STXBP5L: variants seen among roughly 807,000 people sequenced by gnomAD.
The protein encoded by STXBP5L is syntaxin-binding protein 5-like.
STXBP5L carries 65 observed loss-of-function variants against 144.5 expected under a neutral mutation model. That is an observed-to-expected ratio of 0.45 (90% CI 0.37 to 0.55). STXBP5L has a LOEUF of 0.55. Ranked by LOEUF, STXBP5L falls within the 20% of genes least tolerant of loss-of-function variation. The probability of loss-of-function intolerance (pLI) is 0.00; values close to 1 mark genes in which losing one functional copy is unlikely to be tolerated. For synonymous variants in STXBP5L, 505 were observed against 469.6 expected, an observed-to-expected ratio of 1.08 and a Z score of -0.97; for missense variants, 1,298 against 1,405.5, an observed-to-expected ratio of 0.92 and a Z score of 1.22.
chr3:120,970,365 C>T (rs2107791087), intron 3 of STXBP5L, among the ~76,000 whole-genome samples: 1 of 152,192 alleles, frequency 6.6e-6, no homozygotes, highest in East Asian at 1.9e-4. Flanking sequence ...TCTTGTAAGA[C>T]AGGTCACATT....
chr3:121,070,428 T>G (rs1317073856), intron 5 of STXBP5L, among the ~76,000 whole-genome samples: 1 of 152,234 alleles, frequency 6.6e-6, no homozygotes, highest in Non-Finnish European at 1.5e-5. Context: ...AGTATTCCTT[T>G]TTAACTTGAG....
chr3:121,378,169 G>A (rs998862826), intron 20 of STXBP5L, among the ~76,000 whole-genome samples: 2 of 151,912 alleles, frequency 1.3e-5, no homozygotes, highest in Admixed American at 6.6e-5. Context: ...AGGCCTGTCG[G>A]GGGGTGGGGG....
intron 19 of STXBP5L, among the ~76,000 whole-genome samples, chr3:121,289,213 T>G (rs1315208982): frequency 7.2e-5 from 11 of 151,996 alleles, no homozygotes; most frequent in African/African-American, 2.7e-4. Flanking sequence ...TATTCTTATA[T>G]CAGACAAAAC....
intron 19 of STXBP5L, among the ~76,000 whole-genome samples, chr3:121,304,988 A>T (rs756833760): frequency 6.6e-6 from 1 of 152,096 alleles, no homozygotes; most frequent in Non-Finnish European, 1.5e-5. Flanking sequence ...GGAGTGAAAA[A>T]AAAGCATCAC....
chr3:120,957,986 A>G (rs1351849379), intron 3 of STXBP5L, among the ~76,000 whole-genome samples: 1 of 152,148 alleles, frequency 6.6e-6, no homozygotes, highest in Non-Finnish European at 1.5e-5. Context: ...TTTTGAAAAG[A>G]TCAACAAAAT....
intron 17 of STXBP5L, among the ~76,000 whole-genome samples, chr3:121,258,134 A>G (rs998998869): frequency 1.3e-5 from 2 of 152,158 alleles, no homozygotes; most frequent in African/African-American, 4.8e-5. Context: ...ATCATGTTCA[A>G]TAAAACCTAA....
chr3:120,969,690 T>G (rs1940019168), intron 3 of STXBP5L, among the ~76,000 whole-genome samples: 3 of 152,102 alleles, frequency 2.0e-5, no homozygotes, highest in Non-Finnish European at 2.9e-5. Context: ...TATATTTAAG[T>G]CTTTTATCTA....
At chr3:121,060,946 G>T (rs1333405961) in intron 5 of STXBP5L, among the ~76,000 whole-genome samples, 1 of 151,754 alleles carries the variant, frequency 6.6e-6, no homozygotes, top group Non-Finnish European at 1.5e-5. Flanking sequence ...GATTTTTTTT[G>T]AAGGGTTTTC....
At chr3:121,027,891 C>T (rs1946067742) in intron 3 of STXBP5L, among the ~76,000 whole-genome samples, 1 of 152,070 alleles carries the variant, frequency 6.6e-6, no homozygotes, top group Admixed American at 6.6e-5. Flanking sequence ...CTTCACCTTT[C>T]CTTTCATATA....
chr3:121,069,546 A>G (rs1322070000), intron 5 of STXBP5L, among the ~76,000 whole-genome samples: 3 of 152,118 alleles, frequency 2.0e-5, no homozygotes, highest in Non-Finnish European at 2.9e-5. Flanking sequence ...ATTTGTTTAC[A>G]TTTATAAGAA....
intron 5 of STXBP5L, among the ~76,000 whole-genome samples, chr3:121,095,813 G>A (rs969431561): frequency 1.9e-4 from 29 of 152,142 alleles, no homozygotes; most frequent in Non-Finnish European, 1.5e-5. Flanking sequence ...ATCCAGCTTT[G>A]TTCTGTTGCT....
At chr3:121,122,379 A>C (rs1331923403) in intron 7 of STXBP5L, among the ~76,000 whole-genome samples, 1 of 151,252 alleles carries the variant, frequency 6.6e-6, no homozygotes, top group Non-Finnish European at 1.5e-5. Flanking sequence ...CCACAAGTAC[A>C]ATGTAATTCC....
chr3:121,377,750 G>A (rs925637459), intron 20 of STXBP5L, among the ~76,000 whole-genome samples: 2 of 152,188 alleles, frequency 1.3e-5, no homozygotes, highest in African/African-American at 4.8e-5. Context: ...AACCATTGTG[G>A]AAACAGTGTG....
At chr3:121,018,293 G>T (rs1276110522) in intron 3 of STXBP5L, among the ~76,000 whole-genome samples, 1 of 152,108 alleles carries the variant, frequency 6.6e-6, no homozygotes, top group East Asian at 1.9e-4. Context: ...GAGCAGTTGG[G>T]AGACTGTCAT....
At chr3:121,056,346 G>T (rs1948459164) in intron 5 of STXBP5L, among the ~76,000 whole-genome samples, 1 of 151,956 alleles carries the variant, frequency 6.6e-6, no homozygotes, top group Admixed American at 6.6e-5. Flanking sequence ...TCAAATGTAG[G>T]CTACGATATA....
intron 18 of STXBP5L, among the ~76,000 whole-genome samples, chr3:121,277,218 A>G (rs1044986945): frequency 3.9e-4 from 60 of 152,162 alleles, no homozygotes; most frequent in African/African-American, 1.4e-3. Context: ...ATTCATCGTC[A>G]CATAATGGAA....
At chr3:120,985,691 C>G (rs373916878) in intron 3 of STXBP5L, among the ~76,000 whole-genome samples, 4 of 151,932 alleles carry the variant, frequency 2.6e-5, no homozygotes, top group African/African-American at 9.6e-5. Flanking sequence ...CTTCTAGATT[C>G]TTCAGTTGGT....
rs376139100 is a variant in STXBP5L, at chr3:121,424,088, C to G, written c.*4991C>G. 1.4e-4 allele frequency: 21 copies of G among 152,284 alleles called. No homozygotes were observed. Among genetic ancestry groups the G allele is most frequent in the African/African-American group, 5.1e-4 (21 of 41,564 alleles). The allele number at this position is 152,284 out of a possible 1,614,324, so 9.4% of individuals were successfully genotyped here. ...TTCATATTTAGACAGTGGAAATTCT[C>G]AAAACAATCATTTGCTAAATTAGGT... On this transcript the variant is annotated 3_prime_UTR_variant, in exon 27 of 27. Coordinates refer to ENST00000471454, the MANE Select transcript of STXBP5L (RefSeq NM_001308330.2).
At chr3:121,139,928 G>A (rs2045424792) in intron 7 of STXBP5L, among the ~76,000 whole-genome samples, 1 of 151,922 alleles carries the variant, frequency 6.6e-6, no homozygotes, top group African/African-American at 2.4e-5. Context: ...ACATTCAAGA[G>A]TATAAGGGAC....
Sources: allele counts gnomAD v4.1 joint callset (sites outside exome capture counted in the v4.1 genomes callset), GRCh38; gene constraint gnomAD v4.1.1; transcripts MANE v1.5; gene names NCBI Gene and HGNC (gene_info 2026-07-23, HGNC 2026-07-21).